The following NUDC variants were observed in gnomAD, a reference collection of about 807,000 sequenced individuals.
The protein encoded by NUDC is nuclear migration protein nudC.
A neutral mutation model predicts 45.0 loss-of-function variants in NUDC; 14 were observed. The observed-to-expected ratio is 0.31, with a 90% CI of 0.21 to 0.49. The LOEUF (loss-of-function observed/expected upper bound fraction) is 0.49. NUDC is among the 20% of genes least tolerant of loss of function. The pLI is 0.99. For synonymous variants in NUDC, 153 were observed against 156.7 expected, an observed-to-expected ratio of 0.98 and a Z score of 0.17; for missense variants, 323 against 426.2, an observed-to-expected ratio of 0.76 and a Z score of 2.13.
At chr1:26,945,536 C>T in intron 7 of NUDC, 32 bp from the exon 8 acceptor site, 28 of 1,611,152 alleles carry the variant, frequency 1.7e-5, no homozygotes, top group Non-Finnish European at 2.3e-5. Context: ...GTTTCCAGAG[C>T]TTCACCGATT....
At chr1:26,936,134 A>AATATAGAT (rs1340686570) in intron 2 of NUDC, among the ~76,000 whole-genome samples, 3 of 6,812 alleles carry the variant, frequency 4.4e-4, no homozygotes, top group Non-Finnish European at 8.4e-4. Flanking sequence ...ACGCCCGGCT[A>AATATAGAT]ATATATATAT....
At chr1:26,910,414 C>G (rs1288772815) in intron 2 of NUDC, among the ~76,000 whole-genome samples, 1 of 152,116 alleles carries the variant, frequency 6.6e-6, no homozygotes, top group Non-Finnish European at 1.5e-5. Context: ...GGGTAAGGGA[C>G]AGGGTTCCCC....
rs138094068 is a variant in NUDC at position 26,942,748 on chromosome 1, G to A, written c.518G>A (p.Arg173His). The A allele has an allele frequency of 8.5e-5, 137 of 1,614,228 alleles. No homozygotes were observed. Among genetic ancestry groups the A allele is most frequent in the Middle Eastern group, 3.3e-4 (2 of 6,062 alleles). ...AACGGGGCAGACCTGCCCAATTACCGCTGGACCCAGACCCTGTCGGAGCTG... is the reference window on the plus strand; with the variant it reads ...AACGGGGCAGACCTGCCCAATTACCACTGGACCCAGACCCTGTCGGAGCTG... ...LGNGADLPNY[R>H]WTQTLSELDL... Residue 173 changes from arginine to histidine, a missense_variant, in exon 5 of 9, where the codon CGC (arginine) becomes CAC (histidine). Arg to His is a conservative substitution (Grantham distance 29). This residue lies in a region of NUDC where 245 missense variants were observed against 278.8 expected (regional missense o/e 0.88). Coordinates refer to ENST00000321265, the MANE Select transcript of NUDC (RefSeq NM_006600.4).
upstream of NUDC, among the ~76,000 whole-genome samples, chr1:26,921,038 G>C (rs1160343649): frequency 6.6e-6 from 1 of 152,172 alleles, no homozygotes; most frequent in Non-Finnish European, 1.5e-5. Flanking sequence ...AATTAACAGG[G>C]ATAGAGTTCC....
intron 2 of NUDC, among the ~76,000 whole-genome samples, chr1:26,940,360 C>T (rs2082266627): frequency 6.6e-6 from 1 of 152,038 alleles, no homozygotes; most frequent in African/African-American, 2.4e-5. Context: ...CCTATAATCC[C>T]AGCTACTCGG....
intron 2 of NUDC, chr1:26,929,682 A>T: frequency 2.4e-6 from 1 of 423,338 alleles, no homozygotes; most frequent in Admixed American, 2.5e-5. Flanking sequence ...ATATTTTTTG[A>T]TGAGTAAATA....
In NUDC at chr1:26,942,717, C is replaced by G. The variant is rs994904483; in HGVS notation, c.487C>G (p.Leu163Val). The change falls in exon 5 of 9, where the codon CTA (leucine) becomes GTA (valine). Residue 163 changes from leucine (L) to valine (V), a missense_variant. Physicochemically the swap from Leu to Val is conservative, Grantham distance 32. Around this residue, in one of 3 missense-constraint regions of NUDC, gnomAD observed 245 missense variants for 278.8 expected, o/e 0.88. Transcript: ENST00000321265. ...GGACAAAGGAAAACTGAAGCCCAAC[C>G]TAGGCAACGGGGCAGACCTGCCCAA... ...EKDKGKLKPNLGNGADLPNYR... is the reference protein window; with the variant it reads ...EKDKGKLKPNVGNGADLPNYR... 4 of 1,614,114 alleles carry G rather than the reference C, an allele frequency of 2.5e-6. No individual in the cohort carries two copies. In the African/African-American group the frequency reaches 5.3e-5, roughly 22 times the overall value.
At chr1:26,903,998 A>C (rs1229922712) in intron 2 of NUDC, among the ~76,000 whole-genome samples, 1 of 148,312 alleles carries the variant, frequency 6.7e-6, no homozygotes, top group African/African-American at 2.5e-5. Flanking sequence ...GTGACAGAGC[A>C]AGACTCCGTC....
intron 4 of NUDC, among the ~76,000 whole-genome samples, chr1:26,942,303 T>TA (rs1243789711): frequency 6.6e-6 from 1 of 151,866 alleles, no homozygotes; most frequent in Non-Finnish European, 1.5e-5. Context: ...AAAAATAAAA[T>TA]AAAAACCGAC....
Position 26,932,182 on chromosome 1 carries a change from C to CT in NUDC, c.159+8028dup, listed in dbSNP as rs879725360. Reference sequence around the variant, plus strand: ...TCATGCCCAGCTAATTTTTCTTTTTCTTTTTTTTTTTTGAGACAGAGTATC... The same window carrying CT: ...TCATGCCCAGCTAATTTTTCTTTTTCTTTTTTTTTTTTTGAGACAGAGTATC... On this transcript the variant is annotated intron_variant, in intron 2 of 8. Transcript: ENST00000321265. Among the ~76,000 whole-genome samples the CT allele has an allele frequency of 3.1e-3, 435 of 141,904 alleles. 2 individuals carry two copies. Among genetic ancestry groups the CT allele is most frequent in the African/African-American group, 7.2e-3 (281 of 38,920 alleles). 93.1% of individuals were successfully genotyped at this position (141,904 alleles called of 152,430 possible).
At chr1:26,900,549 G>A (rs2081973325) in intron 1 of NUDC, 2 of 904,772 alleles carry the variant, frequency 2.2e-6, no homozygotes, top group South Asian at 1.7e-5. Context: ...AGTCCTTTGG[G>A]ATTGGGGTTG....
At chr1:26,945,238 GCA>G (rs1297869186) in intron 6 of NUDC, 150 bp from the exon 7 acceptor site, 2 of 694,044 alleles carry the variant, frequency 2.9e-6, no homozygotes, top group Non-Finnish European at 5.3e-6. Flanking sequence ...TGCAGGAAGG[GCA>G]CAGTCTTGTA....
At chr1:26,915,560 G>C (rs894995212) in intron 3 of NUDC, among the ~76,000 whole-genome samples, 1 of 152,196 alleles carries the variant, frequency 6.6e-6, no homozygotes, top group African/African-American at 2.4e-5. Flanking sequence ...TGGTGCCCTG[G>C]ATGGGGAGAG....
rs1374665508 is a variant in NUDC at position 26,902,324 on chromosome 1, TCTC to T, written c.-52_-50del. On this transcript the variant is annotated 5_prime_UTR_variant, in exon 2 of 7. Coordinates refer to the NUDC transcript ENST00000435827. ...TACCCTCAGCTTGAGCCAGCGCACATCTCCTCCTTAACAGCCTCTCCTGAGAAT... is the reference window on the plus strand; with the variant it reads ...TACCCTCAGCTTGAGCCAGCGCACATCTCCTTAACAGCCTCTCCTGAGAAT... The T allele has an allele frequency of 2.0e-5, 3 of 152,152 alleles. No individual in the cohort carries two copies. The East Asian group carries it at 5.8e-4, about 29-fold the overall frequency. 9.4% of individuals were successfully genotyped at this position (152,152 alleles called of 1,614,324 possible).
At chr1:26,934,005 T>C (rs1454586434) in intron 2 of NUDC, among the ~76,000 whole-genome samples, 1 of 152,090 alleles carries the variant, frequency 6.6e-6, no homozygotes, top group Non-Finnish European at 1.5e-5. Flanking sequence ...ATACAAAAAT[T>C]AGCTGGGTGT....
At chr1:26,919,250 AT>A (rs952490299), upstream of NUDC, among the ~76,000 whole-genome samples, 26 of 147,694 alleles carry the variant, frequency 1.8e-4, no homozygotes, top group African/African-American at 2.2e-4. Flanking sequence ...TGCCCCGCTA[AT>A]TTTTTTTTTT....
At chr1:26,907,484 G>A (rs2082007462) in intron 2 of NUDC, among the ~76,000 whole-genome samples, 1 of 152,214 alleles carries the variant, frequency 6.6e-6, no homozygotes, top group African/African-American at 2.4e-5. Context: ...GAGAGACATT[G>A]AGTGATAGAA....
At chr1:26,905,594 G>T (rs1353461171) in intron 2 of NUDC, among the ~76,000 whole-genome samples, 5 of 151,352 alleles carry the variant, frequency 3.3e-5, no homozygotes, top group Non-Finnish European at 7.4e-5. Context: ...GAAGATAAGG[G>T]TTACTTTGAA....
intron 2 of NUDC, chr1:26,910,997 G>A (rs1284998145): frequency 5.1e-6 from 2 of 395,988 alleles, no homozygotes; most frequent in Admixed American, 3.1e-5. Context: ...AACAACTGAT[G>A]TAGTCAAATC....
Sources: gnomAD v4.1 joint callset for allele counts (sites outside exome capture counted in the v4.1 genomes callset) on GRCh38, gnomAD v4.1.1 for gene constraint, gnomAD v4.1.1 regional missense constraint, MANE v1.5 for transcripts, NCBI Gene and HGNC (gene_info 2026-07-23, HGNC 2026-07-21) for gene names.